The following NEBL variants were observed in gnomAD, a reference collection of about 807,000 sequenced individuals.
NEBL encodes nebulette, also known as LIM and SH3 protein 2.
In NEBL, 122 loss-of-function variants were observed where a neutral mutation model predicts 140.2. The observed-to-expected ratio is 0.87, with a 90% CI of 0.75 to 1.01. The LOEUF is 1.01. Among genes scored for constraint, NEBL ranks in the 50% least tolerant of loss-of-function variants. NEBL has a pLI of 0.00. For missense variants in NEBL, 1,365 were observed against 1,231.3 expected (o/e 1.11, Z -1.62); for synonymous variants, 436 against 398.9 (o/e 1.09, Z -1.11).
chr10:20,905,263 G>GCAGAAAC (rs1248018526), intron 4 of NEBL, among the ~76,000 whole-genome samples: 2 of 152,198 alleles, frequency 1.3e-5, no homozygotes, highest in Non-Finnish European at 2.9e-5. Flanking sequence ...AGAAGATTTA[G>GCAGAAAC]CAGAAACCAA....
chr10:21,153,187 C>G (rs1316804546), intron 2 of NEBL, among the ~76,000 whole-genome samples: 1 of 152,190 alleles, frequency 6.6e-6, no homozygotes. Flanking sequence ...TCAATATTAT[C>G]TCCCATTTCA....
At chr10:21,260,374 C>T (rs766604855) in intron 1 of NEBL, among the ~76,000 whole-genome samples, 18 of 152,214 alleles carry the variant, frequency 1.2e-4, no homozygotes, top group Admixed American at 7.2e-4. Context: ...GGATTCCAGA[C>T]GCAGTCTGAT....
At chr10:21,049,361 T>G (rs1834664063) in intron 2 of NEBL, among the ~76,000 whole-genome samples, 1 of 152,204 alleles carries the variant, frequency 6.6e-6, no homozygotes, top group Non-Finnish European at 1.5e-5. Flanking sequence ...CTTTGCATTT[T>G]TGGAGAAGAA....
chr10:20,876,590 C>T (rs1666796097), intron 5 of NEBL, among the ~76,000 whole-genome samples: 1 of 152,100 alleles, frequency 6.6e-6, no homozygotes, highest in African/African-American at 2.4e-5. Flanking sequence ...TTGAAAAGAA[C>T]AGTAAGTCTT....
chr10:21,126,112 G>A (rs754676584), intron 2 of NEBL: 3 of 1,609,708 alleles, frequency 1.9e-6, no homozygotes, highest in Non-Finnish European at 2.6e-6. Flanking sequence ...TCTCCGTTCT[G>A]CCTTACCAGG....
At chr10:21,177,267 G>A (rs1841315141), upstream of NEBL, among the ~76,000 whole-genome samples, 1 of 152,212 alleles carries the variant, frequency 6.6e-6, no homozygotes, top group Non-Finnish European at 1.5e-5. Flanking sequence ...TCATACTGCA[G>A]GGAGGTGACT....
intron 2 of NEBL, among the ~76,000 whole-genome samples, chr10:21,147,127 G>A (rs1218976516): frequency 6.6e-6 from 1 of 152,106 alleles, no homozygotes; most frequent in Non-Finnish European, 1.5e-5. Flanking sequence ...TAAAATCTGT[G>A]ATAAAAAGTA....
chr10:20,999,220 G>A (rs1284334959), intron 3 of NEBL, among the ~76,000 whole-genome samples: 1 of 151,592 alleles, frequency 6.6e-6, no homozygotes, highest in Non-Finnish European at 1.5e-5. Flanking sequence ...TAAGACTCTG[G>A]TTTATTCCAA....
intron 4 of NEBL, among the ~76,000 whole-genome samples, chr10:20,950,460 C>T (rs1835403380): frequency 6.6e-6 from 1 of 152,154 alleles, no homozygotes; most frequent in Non-Finnish European, 1.5e-5. Flanking sequence ...CATCTCTTCC[C>T]TTCCTTCTGC....
At chr10:21,118,662 C>T (rs1838388465) in intron 2 of NEBL, among the ~76,000 whole-genome samples, 1 of 152,030 alleles carries the variant, frequency 6.6e-6, no homozygotes, top group South Asian at 2.1e-4. Context: ...TATTTAGACA[C>T]TGTTTTAGAT....
intron 4 of NEBL, among the ~76,000 whole-genome samples, chr10:20,905,741 C>T (rs1848066211): frequency 6.6e-6 from 1 of 152,062 alleles, no homozygotes; most frequent in Admixed American, 6.6e-5. Context: ...GTTGAAAGAA[C>T]CAAAAGTTCT....
intron 2 of NEBL, among the ~76,000 whole-genome samples, chr10:21,043,204 A>G (rs1834347721): frequency 6.6e-6 from 1 of 152,180 alleles, no homozygotes. Flanking sequence ...ACACTATCTC[A>G]TAGTACAATG....
At chr10:20,808,376 C>A in intron 26 of NEBL, 134 bp downstream of exon 26, 1 of 903,820 alleles carries the variant, frequency 1.1e-6, no homozygotes. Flanking sequence ...TATTAACTTT[C>A]TGAACTTAAT....
intron 3 of NEBL, 34 bp downstream of exon 3, chr10:20,889,811 A>G: frequency 7.7e-7 from 1 of 1,292,676 alleles, no homozygotes; most frequent in South Asian, 1.2e-5. Context: ...AAAAAGATAA[A>G]TGCAAGCCAG....
intron 2 of NEBL, among the ~76,000 whole-genome samples, chr10:21,028,775 T>TAAAA (rs201150512): frequency 6.9e-6 from 1 of 144,852 alleles, no homozygotes; most frequent in African/African-American, 2.6e-5. Flanking sequence ...CAATATAATT[T>TAAAA]AAAAAAAAAA....
chr10:21,070,009 G>C (rs756407703), intron 2 of NEBL: 1 of 456,164 alleles, frequency 2.2e-6, no homozygotes, highest in South Asian at 1.5e-5. Context: ...TAATAGAAAT[G>C]AAGCATCTGA....
intron 3 of NEBL, among the ~76,000 whole-genome samples, chr10:21,232,083 C>G (rs1275225895): frequency 6.6e-6 from 1 of 152,070 alleles, no homozygotes. Context: ...TCACACTTCC[C>G]TACGCTTCGA....
intron 3 of NEBL, among the ~76,000 whole-genome samples, chr10:21,198,405 G>A (rs1216575603): frequency 1.3e-5 from 2 of 152,064 alleles, no homozygotes; most frequent in Non-Finnish European, 2.9e-5. Flanking sequence ...ATCCCTCTCT[G>A]TGCCTCCTGG....
At chr10:21,143,924 T>C (rs1337082262) in intron 2 of NEBL, among the ~76,000 whole-genome samples, 1 of 152,062 alleles carries the variant, frequency 6.6e-6, no homozygotes, top group Non-Finnish European at 1.5e-5. Flanking sequence ...AAGTTTACTC[T>C]TTTACACAGA....
Sources: allele counts gnomAD v4.1 joint callset (sites outside exome capture counted in the v4.1 genomes callset), GRCh38; gene constraint gnomAD v4.1.1; transcripts MANE v1.5; gene names NCBI Gene and HGNC (gene_info 2026-07-23, HGNC 2026-07-21).